MAGI3: variants seen among roughly 807,000 people sequenced by gnomAD.
The protein encoded by MAGI3 is membrane associated guanylate kinase, WW and PDZ domain containing 3.
MAGI3 carries 43 observed loss-of-function variants against 121.8 expected under a neutral mutation model. That is an observed-to-expected ratio of 0.35 (90% CI 0.28 to 0.46). MAGI3 has a LOEUF of 0.46. Ranked by LOEUF, MAGI3 falls within the 20% of genes least tolerant of loss-of-function variation. MAGI3 has a pLI of 1.00. For missense variants in MAGI3, 1,547 were observed against 1,797.3 expected (o/e 0.86, Z 2.52); for synonymous variants, 553 against 639.3 (o/e 0.86, Z 2.04).
At chr1:113,639,379 C>T (rs1652298388) in intron 9 of MAGI3, among the ~76,000 whole-genome samples, 1 of 152,136 alleles carries the variant, frequency 6.6e-6, no homozygotes, top group Non-Finnish European at 1.5e-5. Flanking sequence ...CATCTCGGCT[C>T]CCACCTGTTT....
intron 9 of MAGI3, among the ~76,000 whole-genome samples, chr1:113,640,927 A>T (rs1331185594): frequency 1.3e-5 from 1 of 76,232 alleles, no homozygotes; most frequent in East Asian, 2.2e-4. Context: ...GATATATTTT[A>T]TATATCATAT....
At chr1:113,414,802 TA>T (rs1235047923) in intron 1 of MAGI3, among the ~76,000 whole-genome samples, 3 of 152,018 alleles carry the variant, frequency 2.0e-5, no homozygotes, top group Admixed American at 6.6e-5. Context: ...TACTACTTAG[TA>T]TTAATAATAA....
intron 2 of MAGI3, among the ~76,000 whole-genome samples, chr1:113,574,569 T>C (rs933413608): frequency 6.6e-6 from 1 of 152,236 alleles, no homozygotes; most frequent in Non-Finnish European, 1.5e-5. Flanking sequence ...GTGAGTCTGA[T>C]GGGCTTCCTT....
intron 1 of MAGI3, among the ~76,000 whole-genome samples, chr1:113,468,523 T>A (rs994360189): frequency 2.0e-5 from 3 of 152,184 alleles, no homozygotes; most frequent in Non-Finnish European, 4.4e-5. Flanking sequence ...GAGTGGATAC[T>A]GTATTGGACA....
At chr1:113,649,981 T>C (rs1286698507) in intron 13 of MAGI3, among the ~76,000 whole-genome samples, 1 of 152,222 alleles carries the variant, frequency 6.6e-6, no homozygotes, top group East Asian at 1.9e-4. Flanking sequence ...GCTCTTGGTT[T>C]GAATAACAAA....
Position 113,391,008 on chromosome 1 carries a change from T to TC in MAGI3, c.-21dup, listed in dbSNP as rs770312901. On this transcript the variant is annotated 5_prime_UTR_variant, in exon 1 of 21. Transcript: ENST00000307546. The surrounding 1 kb of genome is among the most constrained non-coding windows in gnomAD (Gnocchi z 4.4). ...GCGCCCCGGCCGCCCGCGCGGGGTC[T>TC]CCCCCATGGTGCAGCGGGGTTCGGG... 1.3e-6 allele frequency: 2 copies of TC among 1,522,948 alleles called. No individual in the cohort carries two copies. The allele number at this position is 1,522,948 out of a possible 1,614,324, so 94.3% of individuals were successfully genotyped here.
intron 17 of MAGI3, 151 bp downstream of exon 17, chr1:113,671,987 C>T (rs1647584947): frequency 2.9e-6 from 2 of 690,130 alleles, no homozygotes; most frequent in Non-Finnish European, 5.0e-6. Context: ...GCCTGTTCCT[C>T]AAATACCGTC....
intron 15 of MAGI3, among the ~76,000 whole-genome samples, chr1:113,657,674 T>C (rs1653554383): frequency 6.6e-6 from 1 of 152,252 alleles, no homozygotes; most frequent in Non-Finnish European, 1.5e-5. Context: ...CCGTATGACC[T>C]GCCGTATGTT....
At chr1:113,522,082 A>ATTTTTTTGGTCTGT (rs1365566008) in intron 1 of MAGI3, among the ~76,000 whole-genome samples, 2 of 151,730 alleles carry the variant, frequency 1.3e-5, no homozygotes, top group Non-Finnish European at 2.9e-5. Context: ...TTACACTAAC[A>ATTTTTTTGGTCTGT]CGTGTATTTT....
intron 1 of MAGI3, among the ~76,000 whole-genome samples, chr1:113,409,319 A>G (rs977351938): frequency 6.6e-6 from 1 of 152,088 alleles, no homozygotes; most frequent in Non-Finnish European, 1.5e-5. Context: ...TATTTGGGAT[A>G]TATCTTTCAA....
chr1:113,594,446 T>C, intron 5 of MAGI3, 35 bp from the exon 6 acceptor site: 1 of 1,528,938 alleles, frequency 6.5e-7, no homozygotes, highest in Non-Finnish European at 9.0e-7. Flanking sequence ...TCCTCCTTTA[T>C]TTTACTGTTT....
chr1:113,618,298 C>T (rs185331123), intron 7 of MAGI3, among the ~76,000 whole-genome samples: 59 of 151,858 alleles, frequency 3.9e-4, no homozygotes, highest in African/African-American at 1.4e-3. Context: ...GATTGGACCA[C>T]TGCATTCCAG....
At chr1:113,533,726 TCA>T (rs888753436) in intron 1 of MAGI3, among the ~76,000 whole-genome samples, 1 of 151,962 alleles carries the variant, frequency 6.6e-6, no homozygotes, top group Admixed American at 6.6e-5. Context: ...GTGTCTTTCA[TCA>T]CAGAGTTTTC....
intron 1 of MAGI3, among the ~76,000 whole-genome samples, chr1:113,414,202 C>G (rs1652170904): frequency 6.6e-6 from 1 of 152,130 alleles, no homozygotes; most frequent in African/African-American, 2.4e-5. Flanking sequence ...GTATGTTGAA[C>G]CAGCCTTGCA....
intron 2 of MAGI3, among the ~76,000 whole-genome samples, chr1:113,557,384 G>A (rs1267878422): frequency 6.6e-6 from 1 of 152,222 alleles, no homozygotes; most frequent in Non-Finnish European, 1.5e-5. Context: ...AGGCTTTGGA[G>A]AGTCCAAGCT....
At chr1:113,556,342 T>G (rs1659992639) in intron 2 of MAGI3, among the ~76,000 whole-genome samples, 1 of 152,060 alleles carries the variant, frequency 6.6e-6, no homozygotes, top group Non-Finnish European at 1.5e-5. Context: ...CACAAATTAG[T>G]GCTATCCGGA....
chr1:113,596,087 T>C (rs1208685104), intron 6 of MAGI3, among the ~76,000 whole-genome samples: 1 of 151,754 alleles, frequency 6.6e-6, no homozygotes, highest in Non-Finnish European at 1.5e-5. Flanking sequence ...ATTCTGTTCA[T>C]TAGCCAAAGA....
intron 2 of MAGI3, among the ~76,000 whole-genome samples, chr1:113,556,034 A>C (rs1175144439): frequency 1.3e-5 from 2 of 152,214 alleles, no homozygotes; most frequent in African/African-American, 4.8e-5. Context: ...GAAATGTATC[A>C]AACACAATAT....
intron 1 of MAGI3, among the ~76,000 whole-genome samples, chr1:113,478,826 C>T (rs1198015479): frequency 6.6e-6 from 1 of 152,208 alleles, no homozygotes; most frequent in Non-Finnish European, 1.5e-5. Context: ...TTTCTGCTGC[C>T]TTTTATTCAG....
Sources: allele counts gnomAD v4.1 joint callset (sites outside exome capture counted in the v4.1 genomes callset), GRCh38; gene constraint gnomAD v4.1.1; non-coding constraint Gnocchi (gnomAD v3.1); transcripts MANE v1.5; gene names NCBI Gene and HGNC (gene_info 2026-07-23, HGNC 2026-07-21).